CSRNP3: variants seen among roughly 807,000 people sequenced by gnomAD.
The protein encoded by CSRNP3 is cysteine and serine rich nuclear protein 3.
Under a neutral mutation model 48.0 loss-of-function variants are expected in CSRNP3, and 12 were observed. That is an observed-to-expected ratio of 0.25 (90% CI 0.16 to 0.41). The LOEUF (loss-of-function observed/expected upper bound fraction) is 0.41, where lower values mean the gene tolerates loss of function less well. CSRNP3 is among the 10% of genes least tolerant of loss of function. The pLI is 1.00. For synonymous variants in CSRNP3, 263 were observed against 269.7 expected (o/e 0.98, Z 0.24); for missense variants, 580 against 724.4 (o/e 0.80, Z 2.29).
intron 3 of CSRNP3, among the ~76,000 whole-genome samples, chr2:165,540,144 C>T (rs1684934809): frequency 6.6e-6 from 1 of 152,108 alleles, no homozygotes; most frequent in African/African-American, 2.4e-5. Flanking sequence ...AAGGTGTTGG[C>T]AAGCAACCAG....
At chr2:165,551,103 T>C (rs774856201) in intron 3 of CSRNP3, among the ~76,000 whole-genome samples, 2 of 152,186 alleles carry the variant, frequency 1.3e-5, no homozygotes, top group Non-Finnish European at 2.9e-5. Flanking sequence ...ATTCCAAATA[T>C]TCCCGAGCTT....
chr2:165,559,210 A>G (rs943616653), intron 3 of CSRNP3, among the ~76,000 whole-genome samples: 1 of 152,192 alleles, frequency 6.6e-6, no homozygotes, highest in East Asian at 1.9e-4. Context: ...ATTTTGGTTC[A>G]TTGCTACTTT....
intron 3 of CSRNP3, 91 bp from the exon 4 acceptor site, chr2:165,594,951 TA>T (rs1356566512): frequency 2.0e-5 from 23 of 1,135,266 alleles, no homozygotes; most frequent in Non-Finnish European, 2.7e-5. Context: ...AGCTCATGTA[TA>T]AAAAGCCACA....
At chr2:165,657,647 C>T in intron 4 of CSRNP3, 114 bp from the exon 5 acceptor site, 1 of 1,284,604 alleles carries the variant, frequency 7.8e-7, no homozygotes, top group Admixed American at 2.0e-5. Flanking sequence ...TTAGAGTGCC[C>T]TAGCCAACAA....
intron 4 of CSRNP3, among the ~76,000 whole-genome samples, chr2:165,620,250 T>C (rs1453968554): frequency 6.6e-6 from 1 of 152,088 alleles, no homozygotes. Context: ...AATAATCTGC[T>C]GTGCAAAGAA....
intron 3 of CSRNP3, among the ~76,000 whole-genome samples, chr2:165,538,845 C>T (rs1392791494): frequency 1.3e-5 from 2 of 151,912 alleles, no homozygotes; most frequent in African/African-American, 4.8e-5. Flanking sequence ...ACTTATGAAG[C>T]ATCTTGCATT....
At chr2:165,545,621 G>A (rs1018372806) in intron 3 of CSRNP3, among the ~76,000 whole-genome samples, 1 of 152,074 alleles carries the variant, frequency 6.6e-6, no homozygotes, top group East Asian at 1.9e-4. Flanking sequence ...TTCTTAACAG[G>A]GGCCATGGGG....
At chr2:165,551,382 T>G (rs1362410771) in intron 3 of CSRNP3, among the ~76,000 whole-genome samples, 1 of 152,238 alleles carries the variant, frequency 6.6e-6, no homozygotes, top group Non-Finnish European at 1.5e-5. Flanking sequence ...TTAGTCTCCC[T>G]CTATACCCAA....
intron 2 of CSRNP3, among the ~76,000 whole-genome samples, chr2:165,500,546 C>G (rs956474931): frequency 2.0e-5 from 3 of 151,750 alleles, no homozygotes; most frequent in African/African-American, 7.3e-5. Flanking sequence ...CAACCTCCAC[C>G]TCCCGGGCTC....
chr2:165,574,353 A>G, intron 3 of CSRNP3: 5 of 1,549,600 alleles, frequency 3.2e-6, no homozygotes, highest in Non-Finnish European at 4.4e-6. Context: ...GTTTTGCAGC[A>G]GTTAAATGAA....
rs397774338 is a variant in CSRNP3, at chr2:165,688,057, A to AT, written c.*8304_*8305insT. ...CCTTTTTTATTTAAAAAAAAAAAAA[A>AT]GGCTAATGCTATAGAATGATCATGT... On this transcript the variant is annotated 3_prime_UTR_variant, in exon 7 of 7. Coordinates refer to ENST00000651982, the MANE Select transcript of CSRNP3 (RefSeq NM_001172173.2). The AT allele has an allele frequency of 6.6e-6, 1 of 151,088 alleles. No individual in the cohort carries two copies. The highest frequency in any genetic ancestry group is 2.4e-5 in the African/African-American group (1 of 41,204). 9.4% of individuals were successfully genotyped at this position (151,088 alleles called of 1,614,324 possible).
chr2:165,604,212 T>C (rs1461388725), intron 4 of CSRNP3, among the ~76,000 whole-genome samples: 1 of 152,224 alleles, frequency 6.6e-6, no homozygotes, highest in Non-Finnish European at 1.5e-5. Flanking sequence ...CTCTAACACT[T>C]ACTGTATTCT....
intron 5 of CSRNP3, among the ~76,000 whole-genome samples, chr2:165,667,293 A>C (rs1687251365): frequency 6.6e-6 from 1 of 152,174 alleles, no homozygotes; most frequent in Admixed American, 6.5e-5. Flanking sequence ...TCCATATGTT[A>C]AGCTTCTGCG....
chr2:165,603,267 TTTC>T (rs1685948636), intron 4 of CSRNP3, among the ~76,000 whole-genome samples: 1 of 152,192 alleles, frequency 6.6e-6, no homozygotes, highest in Non-Finnish European at 1.5e-5. Flanking sequence ...ATCCTAGTAT[TTTC>T]CATCAAACTG....
intron 1 of CSRNP3, among the ~76,000 whole-genome samples, chr2:165,473,229 C>A (rs765280233): frequency 6.6e-6 from 1 of 152,072 alleles, no homozygotes; most frequent in Non-Finnish European, 1.5e-5. Flanking sequence ...ACGTAGCTTG[C>A]CAGAATTGTG....
intron 4 of CSRNP3, among the ~76,000 whole-genome samples, chr2:165,611,968 G>A (rs1034600440): frequency 2.0e-5 from 3 of 151,882 alleles, no homozygotes; most frequent in Admixed American, 6.6e-5. Context: ...AGTCTTTATC[G>A]TATAGCTTTA....
chr2:165,574,518 G>T, intron 3 of CSRNP3: 1 of 840,236 alleles, frequency 1.2e-6, no homozygotes, highest in Admixed American at 2.9e-5. Flanking sequence ...CGTGGCAATT[G>T]GCAGGGTGTT....
chr2:165,498,879 TGATACTGTA>T (rs1684315791), intron 2 of CSRNP3, among the ~76,000 whole-genome samples: 1 of 152,268 alleles, frequency 6.6e-6, no homozygotes, highest in Non-Finnish European at 1.5e-5. Flanking sequence ...TAGGTGGAAT[TGATACTGTA>T]GCTACATTTC....
At chr2:165,575,815 T>A (rs550194594) in intron 3 of CSRNP3, among the ~76,000 whole-genome samples, 13 of 152,086 alleles carry the variant, frequency 8.5e-5, no homozygotes, top group Non-Finnish European at 1.0e-4. Context: ...TATGGGGACA[T>A]TATGACATTT....
Sources: gnomAD v4.1 joint callset for allele counts (sites outside exome capture counted in the v4.1 genomes callset) on GRCh38, gnomAD v4.1.1 for gene constraint, MANE v1.5 for transcripts, NCBI Gene and HGNC (gene_info 2026-07-23, HGNC 2026-07-21) for gene names.